SPMIP8: variants seen among roughly 807,000 people sequenced by gnomAD.
SPMIP8 encodes the protein testicular tissue protein Li 196.
At chr16:57,982,184 G>A in the SPMIP8 span, among the ~76,000 whole-genome samples, 1 of 152,028 alleles carries the variant, frequency 6.6e-6, no homozygotes, top group Admixed American at 6.6e-5. Flanking sequence ...CCTTCTACAT[G>A]ACACAATACC....
the SPMIP8 span, chr16:57,987,745 C>A: frequency 3.2e-6 from 1 of 316,876 alleles, no homozygotes; most frequent in Non-Finnish European, 5.8e-6. Context: ...CAAGGTCCAG[C>A]CAGAATTGAG....
the SPMIP8 span, among the ~76,000 whole-genome samples, chr16:57,983,853 T>G: frequency 2.0e-5 from 3 of 152,218 alleles, no homozygotes; most frequent in East Asian, 5.8e-4. Context: ...GCTCAAGTGA[T>G]CCACCCGCTT....
the SPMIP8 span, chr16:57,987,455 T>C: frequency 6.3e-7 from 1 of 1,576,622 alleles, no homozygotes; most frequent in Non-Finnish European, 8.6e-7. Flanking sequence ...ACTCCCAGGC[T>C]GCCGGACGGT....
At chr16:57,984,564 G>C in the SPMIP8 span, 1 of 1,494,410 alleles carries the variant, frequency 6.7e-7, no homozygotes, top group Non-Finnish European at 8.9e-7. Context: ...AGGCCTTTGG[G>C]ATGGACTGGG....
At chr16:57,978,150 C>A in the SPMIP8 span, 2 of 1,286,350 alleles carry the variant, frequency 1.6e-6, no homozygotes, top group South Asian at 1.5e-5. Context: ...TGCTCCCTGC[C>A]CAGGACACTT....
the SPMIP8 span, chr16:57,984,892 C>T: frequency 1.2e-5 from 17 of 1,466,326 alleles, no homozygotes; most frequent in Non-Finnish European, 1.5e-5. Context: ...CGGACGGGAA[C>T]GCAGGCGGCG....
the SPMIP8 span, chr16:57,978,076 G>C: frequency 8.8e-6 from 14 of 1,583,190 alleles, no homozygotes; most frequent in Non-Finnish European, 1.2e-5. Flanking sequence ...TTGGGGAAGG[G>C]GCAGATGGTT....
the SPMIP8 span, among the ~76,000 whole-genome samples, chr16:57,982,313 C>T: frequency 2.0e-5 from 3 of 152,158 alleles, no homozygotes; most frequent in Non-Finnish European, 4.4e-5. Context: ...TTTTTTGGAA[C>T]AAGAATTCAA....
the SPMIP8 span, chr16:57,986,215 A>C: frequency 1.4e-3 from 538 of 394,056 alleles, 7 homozygotes; most frequent in African/African-American, 0.01. Flanking sequence ...GAGGATGTTA[A>C]CTAGAAGGAG....
At chr16:57,986,273 C>T in the SPMIP8 span, 1 of 283,196 alleles carries the variant, frequency 3.5e-6, no homozygotes, top group Non-Finnish European at 6.6e-6. Flanking sequence ...GAGAATCTGC[C>T]TTTTAGGGTG....
At chr16:57,985,614 C>T in the SPMIP8 span, 1 of 1,514,668 alleles carries the variant, frequency 6.6e-7, no homozygotes, top group Non-Finnish European at 8.8e-7. Context: ...GGCCGCTTTC[C>T]TAGCGCACAG....
At chr16:57,985,361 C>A in the SPMIP8 span, 1 of 1,582,176 alleles carries the variant, frequency 6.3e-7, no homozygotes. Context: ...GGAGGAGACC[C>A]AGAGCAGGGC....
chr16:57,985,782 G>A, the SPMIP8 span: 10 of 1,325,164 alleles, frequency 7.5e-6, no homozygotes, highest in African/African-American at 7.5e-5. Context: ...GTTCGCATTG[G>A]GTGAAGGCGC....
At chr16:57,977,680 G>C in the SPMIP8 span, 1 of 959,798 alleles carries the variant, frequency 1.0e-6, no homozygotes, top group East Asian at 2.4e-5. Context: ...CAGAAAAATG[G>C]CCTGGCACAC....
At chr16:57,977,811 C>T in the SPMIP8 span, 2 of 1,610,010 alleles carry the variant, frequency 1.2e-6, no homozygotes, top group South Asian at 1.1e-5. Context: ...CCTCTGCCCC[C>T]CAGCTATGGC....
the SPMIP8 span, chr16:57,987,017 C>T: frequency 9.7e-5 from 18 of 185,782 alleles, no homozygotes; most frequent in African/African-American, 3.3e-4. Context: ...CCCTGAGTAT[C>T]GAGTGCAATA....
At chr16:57,982,575 T>C in the SPMIP8 span, among the ~76,000 whole-genome samples, 1 of 152,216 alleles carries the variant, frequency 6.6e-6, no homozygotes, top group African/African-American at 2.4e-5. Flanking sequence ...GCCAGAATCT[T>C]TCACAGGCGA....
At chr16:57,981,404 T>TATTATTATAATTATTATAATA in the SPMIP8 span, among the ~76,000 whole-genome samples, 1 of 140,524 alleles carries the variant, frequency 7.1e-6, no homozygotes, top group Non-Finnish European at 1.5e-5. Context: ...TTATTATTAT[T>TATTATTATAATTATTATAATA]ATAATAATAA....
chr16:57,977,924 C>T, the SPMIP8 span: 75 of 1,614,102 alleles, frequency 4.6e-5, no homozygotes, highest in Middle Eastern at 3.3e-4. Context: ...AGCTGGCGGG[C>T]GTGAAGCAGC....
Sources: allele counts gnomAD v4.1 joint callset (sites outside exome capture counted in the v4.1 genomes callset), GRCh38; gene constraint gnomAD v4.1.1; transcripts MANE v1.5; gene names NCBI Gene and HGNC (gene_info 2026-07-23, HGNC 2026-07-21).